The following FSTL4 variants were observed in gnomAD, a reference collection of about 807,000 sequenced individuals.
FSTL4 encodes follistatin like 4.
Under a neutral mutation model 78.2 loss-of-function variants are expected in FSTL4, and 28 were observed. The observed-to-expected ratio is 0.36, with a 90% CI of 0.27 to 0.49. FSTL4 has a LOEUF of 0.49. Ranked by LOEUF, FSTL4 falls within the 20% of genes least tolerant of loss-of-function variation. FSTL4 has a pLI of 0.98. For synonymous variants in FSTL4, 422 were observed against 440.5 expected (o/e 0.96, Z 0.53); for missense variants, 922 against 1,084.9 (o/e 0.85, Z 2.11).
At chr5:133,739,690 G>A in the FSTL4 span, among the ~76,000 whole-genome samples, 2 of 152,124 alleles carry the variant, frequency 1.3e-5, no homozygotes, top group Non-Finnish European at 2.9e-5. Flanking sequence ...CACGTCCCAG[G>A]CACTGTGCTA....
intron 3 of FSTL4, among the ~76,000 whole-genome samples, chr5:133,423,409 C>A (rs902057109): frequency 6.6e-6 from 1 of 152,240 alleles, no homozygotes; most frequent in Non-Finnish European, 1.5e-5. Context: ...CCTTCCTGCC[C>A]TCCTTCCAAG....
intron 3 of FSTL4, among the ~76,000 whole-genome samples, chr5:133,486,514 A>C (rs17166720): frequency 0.072 from 10,900 of 152,224 alleles, 1,285 homozygotes; most frequent in African/African-American, 0.25. Context: ...TAGCTTAATC[A>C]TCAACCACAT....
chr5:133,803,771 T>G, the FSTL4 span, among the ~76,000 whole-genome samples: 3 of 152,220 alleles, frequency 2.0e-5, no homozygotes, highest in African/African-American at 7.2e-5. Context: ...CATGCCAAAC[T>G]GTCTGTTGTC....
the FSTL4 span, among the ~76,000 whole-genome samples, chr5:133,627,492 G>A: frequency 6.6e-6 from 1 of 152,202 alleles, no homozygotes; most frequent in East Asian, 1.9e-4. Flanking sequence ...TGGGAATTAT[G>A]AGAGCTGCAA....
the FSTL4 span, among the ~76,000 whole-genome samples, chr5:133,667,444 T>C: frequency 0.65 from 98,752 of 152,102 alleles, 32,924 homozygotes; most frequent in African/African-American, 0.8. Context: ...ATGCTGTAAA[T>C]CCTTTGTGGC....
chr5:133,566,941 G>A (rs1461651401), intron 3 of FSTL4, among the ~76,000 whole-genome samples: 1 of 152,212 alleles, frequency 6.6e-6, no homozygotes, highest in African/African-American at 2.4e-5. Flanking sequence ...GATTGCGAAT[G>A]AGCCAGTTCT....
chr5:133,744,878 A>C, the FSTL4 span, among the ~76,000 whole-genome samples: 1 of 152,172 alleles, frequency 6.6e-6, no homozygotes, highest in African/African-American at 2.4e-5. Context: ...GCTGGATTGA[A>C]TGTATTGAAA....
At chr5:133,647,096 C>A in the FSTL4 span, among the ~76,000 whole-genome samples, 1 of 152,070 alleles carries the variant, frequency 6.6e-6, no homozygotes, top group Non-Finnish European at 1.5e-5. Context: ...AAGAGCGGCC[C>A]AATGTAAATT....
At chr5:133,534,821 T>C (rs1759320090) in intron 3 of FSTL4, among the ~76,000 whole-genome samples, 1 of 152,158 alleles carries the variant, frequency 6.6e-6, no homozygotes, top group Non-Finnish European at 1.5e-5. Flanking sequence ...TCTTAATCTC[T>C]TCACTCCCAG....
chr5:133,580,477 A>C (rs1201058366), intron 2 of FSTL4, among the ~76,000 whole-genome samples: 2 of 152,210 alleles, frequency 1.3e-5, no homozygotes, highest in Non-Finnish European at 2.9e-5. Flanking sequence ...TTAGGATCTC[A>C]CTGGAAGAAA....
chr5:133,532,467 G>A (rs745376857), intron 3 of FSTL4, among the ~76,000 whole-genome samples: 2 of 152,120 alleles, frequency 1.3e-5, no homozygotes, highest in African/African-American at 2.4e-5. Flanking sequence ...GTAGGCACAC[G>A]GCAAAGCCTC....
intron 3 of FSTL4, among the ~76,000 whole-genome samples, chr5:133,432,703 T>G (rs952164372): frequency 6.6e-6 from 1 of 152,200 alleles, no homozygotes; most frequent in African/African-American, 2.4e-5. Context: ...AATCTTATAT[T>G]CCAGTGTCAA....
chr5:133,831,529 C>T, the FSTL4 span, among the ~76,000 whole-genome samples: 6 of 152,230 alleles, frequency 3.9e-5, no homozygotes, highest in East Asian at 1.9e-4. Context: ...ACCTCGTAAA[C>T]GACTCTTATA....
the FSTL4 span, among the ~76,000 whole-genome samples, chr5:133,735,556 C>T: frequency 1.3e-5 from 2 of 152,180 alleles, no homozygotes; most frequent in Non-Finnish European, 2.9e-5. Flanking sequence ...TGCCTGTCCC[C>T]AAACAACCTT....
chr5:133,777,089 G>A, the FSTL4 span, among the ~76,000 whole-genome samples: 4 of 152,222 alleles, frequency 2.6e-5, no homozygotes, highest in East Asian at 7.7e-4. Flanking sequence ...TAGAAATAAT[G>A]ATTTTATTTG....
At chr5:133,696,602 A>G in the FSTL4 span, among the ~76,000 whole-genome samples, 11,738 of 152,318 alleles carry the variant, frequency 0.077, 501 homozygotes, top group Middle Eastern at 0.16. Flanking sequence ...CTTCTCTGAC[A>G]TGTGGCTGGC....
chr5:133,686,032 A>G, the FSTL4 span, among the ~76,000 whole-genome samples: 30 of 152,340 alleles, frequency 2.0e-4, no homozygotes, highest in African/African-American at 6.7e-4. Context: ...CCCTGCATCT[A>G]TGAGGCGCCC....
chr5:133,449,958 T>C (rs1757348754), intron 3 of FSTL4, among the ~76,000 whole-genome samples: 1 of 152,174 alleles, frequency 6.6e-6, no homozygotes, highest in Non-Finnish European at 1.5e-5. Flanking sequence ...TGGTCAGTTG[T>C]CTAGCAGAAG....
At chr5:133,233,594 C>A in intron 7 of FSTL4, 57 bp from the exon 8 acceptor site, 1 of 1,593,522 alleles carries the variant, frequency 6.3e-7, no homozygotes, top group South Asian at 1.1e-5. Context: ...GGCTGGAAAC[C>A]ATAGCTGTCT....
Sources: gnomAD v4.1 joint callset for allele counts (sites outside exome capture counted in the v4.1 genomes callset) on GRCh38, gnomAD v4.1.1 for gene constraint, MANE v1.5 for transcripts, NCBI Gene and HGNC (gene_info 2026-07-23, HGNC 2026-07-21) for gene names.